The following NTNG1 variants were observed in gnomAD, a reference collection of about 807,000 sequenced individuals.
NTNG1 encodes netrin-G1.
Under a neutral mutation model 54.0 loss-of-function variants are expected in NTNG1, and 16 were observed. The ratio of observed to expected loss-of-function variants is 0.30; its 90% CI spans 0.20 to 0.45. The LOEUF is 0.45. Among genes scored for constraint, NTNG1 ranks in the 20% least tolerant of loss-of-function variants. NTNG1 has a pLI of 1.00. For missense variants in NTNG1, 530 were observed against 678.7 expected (o/e 0.78, Z 2.43); for synonymous variants, 255 against 263.1 (o/e 0.97, Z 0.30).
intron 2 of NTNG1, among the ~76,000 whole-genome samples, chr1:107,206,243 A>G (rs545243029): frequency 5.4e-4 from 82 of 152,180 alleles, no homozygotes; most frequent in African/African-American, 2.0e-3. Context: ...TCCCTATCCC[A>G]TCAACACTAC....
chr1:107,463,998 T>C (rs917896147), intron 7 of NTNG1, among the ~76,000 whole-genome samples: 2 of 152,202 alleles, frequency 1.3e-5, no homozygotes, highest in African/African-American at 4.8e-5. Context: ...TTACTAAAAA[T>C]TAAAAGCAAT....
At chr1:107,231,094 C>A (rs866416607) in intron 2 of NTNG1, among the ~76,000 whole-genome samples, 1 of 152,160 alleles carries the variant, frequency 6.6e-6, no homozygotes, top group Non-Finnish European at 1.5e-5. Context: ...GTCTCTGTTT[C>A]CTTGCCTGTA....
At chr1:107,346,003 C>T (rs1382048193) in intron 3 of NTNG1, among the ~76,000 whole-genome samples, 1 of 152,136 alleles carries the variant, frequency 6.6e-6, no homozygotes, top group Non-Finnish European at 1.5e-5. Context: ...CATCAACCAG[C>T]AACACACAAA....
chr1:107,377,033 C>A (rs576623014), intron 3 of NTNG1, among the ~76,000 whole-genome samples: 1 of 152,314 alleles, frequency 6.6e-6, no homozygotes, highest in East Asian at 1.9e-4. Flanking sequence ...GTGCCCTGAG[C>A]CTGATATGTG....
At chr1:107,340,956 C>G (rs1252464949) in intron 3 of NTNG1, among the ~76,000 whole-genome samples, 2 of 151,950 alleles carry the variant, frequency 1.3e-5, no homozygotes, top group Non-Finnish European at 1.5e-5. Context: ...GTGGTTATTA[C>G]CATGAGGCTC....
chr1:107,301,269 C>A (rs1666294162), intron 2 of NTNG1, among the ~76,000 whole-genome samples: 1 of 152,104 alleles, frequency 6.6e-6, no homozygotes, highest in Non-Finnish European at 1.5e-5. Flanking sequence ...CAAGTTGATA[C>A]TGGTACTTAC....
At chr1:107,220,381 A>G (rs777013694) in intron 2 of NTNG1, among the ~76,000 whole-genome samples, 1 of 152,222 alleles carries the variant, frequency 6.6e-6, no homozygotes, top group Non-Finnish European at 1.5e-5. Flanking sequence ...TTCTTGGAGC[A>G]CAAGTTCATG....
At chr1:107,327,899 A>G (rs55901683) in intron 3 of NTNG1, among the ~76,000 whole-genome samples, 10,698 of 152,074 alleles carry the variant, frequency 0.07, 559 homozygotes, top group East Asian at 0.2. Context: ...CTTTGTGCAT[A>G]TGTTTGTTTT....
intron 2 of NTNG1, among the ~76,000 whole-genome samples, chr1:107,215,349 T>A (rs1659880243): frequency 6.6e-6 from 1 of 152,216 alleles, no homozygotes; most frequent in Admixed American, 6.5e-5. Flanking sequence ...TTTTTCTACA[T>A]GTGGCTTGCC....
chr1:107,364,380 C>G (rs1385583973), intron 3 of NTNG1, among the ~76,000 whole-genome samples: 1 of 152,038 alleles, frequency 6.6e-6, no homozygotes, highest in Non-Finnish European at 1.5e-5. Flanking sequence ...TAGCTTTTCC[C>G]CATTTATTTC....
intron 2 of NTNG1, among the ~76,000 whole-genome samples, chr1:107,227,175 A>C (rs1660743967): frequency 6.6e-6 from 1 of 152,012 alleles, no homozygotes; most frequent in African/African-American, 2.4e-5. Flanking sequence ...ACGTTTCCTC[A>C]TCTGTAAAGT....
At chr1:107,273,862 G>T (rs1664308395) in intron 2 of NTNG1, among the ~76,000 whole-genome samples, 1 of 152,154 alleles carries the variant, frequency 6.6e-6, no homozygotes, top group African/African-American at 2.4e-5. Context: ...AAGCTTAATA[G>T]TTTCACTTTC....
chr1:107,228,056 A>G (rs372580662), intron 2 of NTNG1, among the ~76,000 whole-genome samples: 2 of 152,144 alleles, frequency 1.3e-5, no homozygotes. Flanking sequence ...GTTCTTATTC[A>G]AGTACTATGT....
intron 2 of NTNG1, among the ~76,000 whole-genome samples, chr1:107,290,975 A>AT (rs1469649104): frequency 1.4e-5 from 2 of 147,008 alleles, no homozygotes; most frequent in African/African-American, 5.0e-5. Flanking sequence ...ATATATATAT[A>AT]TATATATATA....
intron 3 of NTNG1, among the ~76,000 whole-genome samples, chr1:107,341,950 G>T (rs1668921072): frequency 1.3e-5 from 2 of 151,966 alleles, no homozygotes; most frequent in Admixed American, 6.6e-5. Context: ...TGGAACAGGG[G>T]TTCCGCAGGA....
chr1:107,313,944 T>G (rs1667177500), intron 2 of NTNG1, among the ~76,000 whole-genome samples: 1 of 152,182 alleles, frequency 6.6e-6, no homozygotes, highest in Non-Finnish European at 1.5e-5. Context: ...GCCCTTTGTT[T>G]CCCCACAGTA....
At chr1:107,473,768 CT>C (rs1336074512) in intron 7 of NTNG1, among the ~76,000 whole-genome samples, 5 of 152,150 alleles carry the variant, frequency 3.3e-5, no homozygotes, top group African/African-American at 1.2e-4. Flanking sequence ...GTTTATCTAC[CT>C]TGTGGCTTGC....
At chr1:107,416,447 A>T (rs1674210197) in intron 5 of NTNG1, among the ~76,000 whole-genome samples, 1 of 152,092 alleles carries the variant, frequency 6.6e-6, no homozygotes, top group Non-Finnish European at 1.5e-5. Flanking sequence ...GTCTATCTTG[A>T]TAAGTCCATA....
chr1:107,185,264 G>A (rs932597956), intron 2 of NTNG1, among the ~76,000 whole-genome samples: 1 of 152,190 alleles, frequency 6.6e-6, no homozygotes, highest in Non-Finnish European at 1.5e-5. Context: ...TCAGAGGCCA[G>A]ACGTCTGAAA....
Sources: allele counts gnomAD v4.1 joint callset (sites outside exome capture counted in the v4.1 genomes callset), GRCh38; gene constraint gnomAD v4.1.1; transcripts MANE v1.5; gene names NCBI Gene and HGNC (gene_info 2026-07-23, HGNC 2026-07-21).